The following PATJ variants were observed in gnomAD, a reference collection of about 807,000 sequenced individuals.
PATJ encodes the protein PATJ crumbs cell polarity complex component, also known as inaD-like protein.
A neutral mutation model predicts 224.9 loss-of-function variants in PATJ; 190 were observed. That is an observed-to-expected ratio of 0.84 (90% CI 0.75 to 0.95). The LOEUF (loss-of-function observed/expected upper bound fraction) is 0.95, where lower values mean the gene tolerates loss of function less well. PATJ is among the 40% of genes least tolerant of loss of function. The pLI is 0.00. For missense variants in PATJ, 2,121 were observed against 2,270.3 expected, an observed-to-expected ratio of 0.93 and a Z score of 1.34; for synonymous variants, 769 against 820.3, an observed-to-expected ratio of 0.94 and a Z score of 1.07.
At chr1:61,992,748 G>A (rs775398831) in intron 28 of PATJ, among the ~76,000 whole-genome samples, 2 of 152,132 alleles carry the variant, frequency 1.3e-5, no homozygotes, top group Non-Finnish European at 2.9e-5. Flanking sequence ...GCAGAGTAAT[G>A]AGAGTGTTTT....
chr1:61,987,122 T>C (rs1644805908), intron 27 of PATJ, among the ~76,000 whole-genome samples: 1 of 152,078 alleles, frequency 6.6e-6, no homozygotes, highest in Non-Finnish European at 1.5e-5. Flanking sequence ...TTTGCTAATA[T>C]TAATTTATTT....
intron 12 of PATJ, among the ~76,000 whole-genome samples, chr1:61,802,382 C>T (rs993788309): frequency 7.2e-5 from 11 of 152,178 alleles, no homozygotes; most frequent in African/African-American, 1.9e-4. Flanking sequence ...CGTGAGCCAC[C>T]GTGCCCAGCC....
chr1:61,918,241 C>T (rs1673737232), intron 26 of PATJ, among the ~76,000 whole-genome samples: 1 of 148,066 alleles, frequency 6.8e-6, no homozygotes, highest in Admixed American at 6.7e-5. Context: ...TGGTCATTGA[C>T]TTTTGTAGGA....
chr1:61,769,509 AAACAGT>A, intron 5 of PATJ, 87 bp downstream of exon 5: 2 of 1,383,556 alleles, frequency 1.4e-6, no homozygotes, highest in Admixed American at 2.1e-5. Context: ...CTAGTAATAA[AAACAGT>A]AACAGTAACA....
chr1:61,834,173 C>T (rs1390257724), intron 17 of PATJ, among the ~76,000 whole-genome samples: 1 of 152,070 alleles, frequency 6.6e-6, no homozygotes, highest in Non-Finnish European at 1.5e-5. Flanking sequence ...CAACCATCAC[C>T]ACACTCTAAT....
intron 24 of PATJ, among the ~76,000 whole-genome samples, chr1:61,905,095 G>GT (rs1557854101): frequency 6.6e-6 from 1 of 151,296 alleles, no homozygotes; most frequent in Admixed American, 6.6e-5. Flanking sequence ...GTTGAGTCAG[G>GT]TGTCTTTGGA....
chr1:61,792,904 A>G (rs1048941152), intron 9 of PATJ, among the ~76,000 whole-genome samples: 2 of 152,160 alleles, frequency 1.3e-5, no homozygotes, highest in Non-Finnish European at 2.9e-5. Context: ...AAATCCAAAC[A>G]CAACTCAACA....
chr1:61,939,676 CTTTTTT>C (rs71050183), intron 27 of PATJ, among the ~76,000 whole-genome samples: 1 of 58,874 alleles, frequency 1.7e-5, no homozygotes, highest in Non-Finnish European at 2.8e-5. Context: ...TTTCTATGTG[CTTTTTT>C]TTTTTTTTTT....
At chr1:61,777,768 C>T (rs892149070) in intron 7 of PATJ, among the ~76,000 whole-genome samples, 2 of 130,080 alleles carry the variant, frequency 1.5e-5, no homozygotes, top group African/African-American at 2.9e-5. Context: ...AGTGCAGTGG[C>T]GTGATCCTAT....
intron 28 of PATJ, among the ~76,000 whole-genome samples, chr1:62,014,593 G>T (rs1646661315): frequency 7.8e-6 from 1 of 127,816 alleles, no homozygotes; most frequent in African/African-American, 3.0e-5. Context: ...TTGACACAGG[G>T]TCTCACTGTG....
At chr1:61,919,737 C>G (rs1199727895) in intron 26 of PATJ, among the ~76,000 whole-genome samples, 1 of 151,980 alleles carries the variant, frequency 6.6e-6, no homozygotes, top group African/African-American at 2.4e-5. Context: ...TTCTCTTTGA[C>G]CCAAAATGTA....
At chr1:61,889,583 CAA>C (rs2149100432) in intron 22 of PATJ, among the ~76,000 whole-genome samples, 1 of 152,256 alleles carries the variant, frequency 6.6e-6, no homozygotes, top group South Asian at 2.1e-4. Context: ...AGATTAACAA[CAA>C]TAACTGGTAA....
intron 41 of PATJ, among the ~76,000 whole-genome samples, chr1:62,141,552 G>A (rs368627792): frequency 2.2e-4 from 33 of 152,050 alleles, no homozygotes; most frequent in African/African-American, 7.5e-4. Flanking sequence ...GCATGCACCC[G>A]TAATCCCAGC....
rs1173350968 is a variant in PATJ at position 61,978,517 on chromosome 1, G to A, written c.3671-11651G>A. On this transcript the variant is annotated intron_variant, in intron 27 of 43. Transcript: ENST00000642238. Reference sequence around the variant, plus strand: ...CAACCTCAGGTGATCTGCCCGCCTCGGCCTCCCAAAGTGCTGGGATTACAG... The same window carrying A: ...CAACCTCAGGTGATCTGCCCGCCTCAGCCTCCCAAAGTGCTGGGATTACAG... 3.3e-5 allele frequency among the ~76,000 whole-genome samples: 5 copies of A among 151,872 alleles called. No homozygotes were observed. In the South Asian group the frequency reaches 8.3e-4, roughly 25 times the overall value.
At chr1:61,864,760 C>A in intron 20 of PATJ, 127 bp downstream of exon 20, 1 of 731,642 alleles carries the variant, frequency 1.4e-6, no homozygotes, top group Non-Finnish European at 2.2e-6. Flanking sequence ...TCACTGTTTA[C>A]AAGATGTGTC....
At position 61,823,061 on chromosome 1, in the gene PATJ, A is replaced by G; in HGVS notation, c.1800A>G (p.Pro600=). 1 of 1,614,108 alleles carries G rather than the reference A, an allele frequency of 6.2e-7. No homozygotes were observed. The highest frequency in any genetic ancestry group is 8.5e-7 in the Non-Finnish European group (1 of 1,180,006). ...TTGATACATTGGGTCTCCTACAGCC[A>G]GAAGATGAGCTGCTTGAGGTAAAAT... ...GPVDTLGLLQ[P]EDELLEVNGM... is the part of the protein sequence containing the mutation. Residue 600 remains proline, a synonymous_variant, in exon 15 of 44, where the codon CCA becomes CCG. Transcript: ENST00000642238.
intron 17 of PATJ, among the ~76,000 whole-genome samples, chr1:61,850,787 T>C (rs573653515): frequency 1.2e-4 from 19 of 152,330 alleles, no homozygotes; most frequent in African/African-American, 4.3e-4. Flanking sequence ...ACCAGGAAAG[T>C]GGGGATAATG....
At chr1:61,902,423 G>A (rs1037793002) in intron 24 of PATJ, among the ~76,000 whole-genome samples, 1 of 151,938 alleles carries the variant, frequency 6.6e-6, no homozygotes. Context: ...AAGAGCCCTG[G>A]ATGTCATGGG....
At position 61,791,442 on chromosome 1, in the gene PATJ, A is replaced by G; in HGVS notation, c.1163A>G (p.His388Arg). 1.3e-6 allele frequency: 2 copies of G among 1,528,946 alleles called. No individual in the cohort carries two copies. The highest frequency in any genetic ancestry group is 2.3e-5 in the East Asian group (1 of 44,350). 94.7% of individuals were successfully genotyped at this position (1,528,946 alleles called of 1,614,324 possible). The change falls in exon 9 of 44, where the codon CAT becomes CGT. Residue 388 changes from histidine (H) to arginine (R), a missense_variant. Coordinates refer to ENST00000642238, the MANE Select transcript of PATJ (RefSeq NM_001350145.3). ...ATTGTTGGCTATGTTGGAACATCTC[A>G]TACAGGTAAATGAATCATTTCTATT... ...IRIVGYVGTS[H>R]TGEASGIYVK...
Sources: gnomAD v4.1 joint callset for allele counts (sites outside exome capture counted in the v4.1 genomes callset) on GRCh38, gnomAD v4.1.1 for gene constraint, MANE v1.5 for transcripts, NCBI Gene and HGNC (gene_info 2026-07-23, HGNC 2026-07-21) for gene names.